Variants in TENM3 observed in about 807,000 individuals in gnomAD.
The protein encoded by TENM3 is teneurin-3.
Under a neutral mutation model 255.1 loss-of-function variants are expected in TENM3, and 63 were observed. The observed-to-expected ratio is 0.25, with a 90% CI of 0.20 to 0.30. The LOEUF is 0.30. TENM3 is among the 10% of genes least tolerant of loss of function. The pLI is 1.00. For missense variants in TENM3, 2,929 were observed against 3,461.1 expected (o/e 0.85, Z 3.86); for synonymous variants, 1,306 against 1,322.3 (o/e 0.99, Z 0.27).
intron 24 of TENM3, among the ~76,000 whole-genome samples, chr4:182,778,760 T>C (rs1764900024): frequency 6.6e-6 from 1 of 152,140 alleles, no homozygotes; most frequent in Non-Finnish European, 1.5e-5. Flanking sequence ...GGAGATTTTT[T>C]TCCATGCTTA....
At chr4:182,240,330 A>G (rs970604498), upstream of TENM3, among the ~76,000 whole-genome samples, 6 of 152,248 alleles carry the variant, frequency 3.9e-5, no homozygotes, top group South Asian at 2.1e-4. Flanking sequence ...CAAGTAGGAG[A>G]GAGACACGTT....
chr4:181,815,570 G>GA, the TENM3 span, among the ~76,000 whole-genome samples: 1 of 151,002 alleles, frequency 6.6e-6, no homozygotes, highest in African/African-American at 2.4e-5. Flanking sequence ...GAAGATATTA[G>GA]AAAAATATAG....
At chr4:181,528,993 A>G in the TENM3 span, among the ~76,000 whole-genome samples, 1 of 152,240 alleles carries the variant, frequency 6.6e-6, no homozygotes, top group Non-Finnish European at 1.5e-5. Flanking sequence ...AAATAAGATT[A>G]GTATACTTTA....
intron 1 of TENM3, among the ~76,000 whole-genome samples, chr4:182,231,264 C>T (rs762679745): frequency 5.3e-5 from 8 of 152,098 alleles, no homozygotes; most frequent in Non-Finnish European, 7.3e-5. Context: ...GTGCCTGACT[C>T]ATTCTGACCA....
chr4:182,481,284 C>T (rs976207331), intron 3 of TENM3, among the ~76,000 whole-genome samples: 5 of 152,098 alleles, frequency 3.3e-5, no homozygotes, highest in African/African-American at 1.2e-4. Context: ...AGTTAAATCG[C>T]TTTTCTTTAT....
chr4:181,485,999 C>A, the TENM3 span, among the ~76,000 whole-genome samples: 5 of 146,588 alleles, frequency 3.4e-5, no homozygotes, highest in East Asian at 1.0e-3. Context: ...CCTTAAGATG[C>A]CATTCAAAAA....
intron 3 of TENM3, among the ~76,000 whole-genome samples, chr4:182,538,938 C>A (rs190246737): frequency 8.6e-5 from 13 of 151,928 alleles, no homozygotes; most frequent in Admixed American, 8.5e-4. Flanking sequence ...AGACATTTTG[C>A]AGCATTCAAG....
chr4:181,702,144 G>A, the TENM3 span, among the ~76,000 whole-genome samples: 1 of 152,222 alleles, frequency 6.6e-6, no homozygotes, highest in Non-Finnish European at 1.5e-5. Context: ...GCAAATAGAA[G>A]TGAGTTTCAG....
the TENM3 span, among the ~76,000 whole-genome samples, chr4:181,757,485 G>T: frequency 6.6e-6 from 1 of 152,106 alleles, no homozygotes; most frequent in Non-Finnish European, 1.5e-5. Flanking sequence ...TACCTCTGAC[G>T]AGATCAGACT....
At chr4:182,263,074 G>T (rs776377465) in intron 1 of TENM3, among the ~76,000 whole-genome samples, 13 of 151,976 alleles carry the variant, frequency 8.6e-5, no homozygotes, top group Non-Finnish European at 1.6e-4. Flanking sequence ...GGTCTGGATG[G>T]GGACCCTTTC....
intron 1 of TENM3, among the ~76,000 whole-genome samples, chr4:182,263,041 G>A (rs1484976156): frequency 6.6e-6 from 1 of 151,944 alleles, no homozygotes; most frequent in Non-Finnish European, 1.5e-5. Flanking sequence ...TTTCTTGCGC[G>A]AGATCCAGGA....
At chr4:182,397,705 A>C (rs1008400636) in intron 3 of TENM3, among the ~76,000 whole-genome samples, 9 of 152,162 alleles carry the variant, frequency 5.9e-5, no homozygotes, top group African/African-American at 2.2e-4. Context: ...AGTGGTTCTC[A>C]ACCTTCGGTG....
chr4:181,869,409 A>C, the TENM3 span, among the ~76,000 whole-genome samples: 1 of 152,174 alleles, frequency 6.6e-6, no homozygotes, highest in East Asian at 1.9e-4. Context: ...TTTTGTTTAA[A>C]TCTATCTAGG....
At chr4:181,682,615 T>C in the TENM3 span, among the ~76,000 whole-genome samples, 1 of 152,176 alleles carries the variant, frequency 6.6e-6, no homozygotes, top group African/African-American at 2.4e-5. Context: ...CACATATGCA[T>C]TCATCTATTG....
At chr4:181,906,812 G>A in the TENM3 span, among the ~76,000 whole-genome samples, 1 of 152,176 alleles carries the variant, frequency 6.6e-6, no homozygotes, top group Non-Finnish European at 1.5e-5. Context: ...CTCCCGAGTA[G>A]CTGGGACTAC....
chr4:182,064,375 C>G, the TENM3 span, among the ~76,000 whole-genome samples: 1 of 151,820 alleles, frequency 6.6e-6, no homozygotes, highest in Non-Finnish European at 1.5e-5. Context: ...TCAGGAGATC[C>G]AGATCATCCT....
chr4:182,525,204 C>T lies in TENM3; in HGVS notation c.512-75720C>T, dbSNP rs1739031730. Among the ~76,000 whole-genome samples, 2 of 152,172 alleles carry T rather than the reference C, an allele frequency of 1.3e-5. 1 individual carries two copies. The highest frequency in any genetic ancestry group is 4.8e-5 in the African/African-American group (2 of 41,442). ...TTGAGTAAGGAACGAATTTAGTAGT[C>T]AGGAAATTTATGAAAGAATTGCCCA... On this transcript the variant is annotated intron_variant, in intron 3 of 27. Coordinates refer to ENST00000511685, the MANE Select transcript of TENM3 (RefSeq NM_001080477.4).
chr4:181,727,905 C>A, the TENM3 span, among the ~76,000 whole-genome samples: 1 of 152,214 alleles, frequency 6.6e-6, no homozygotes, highest in Admixed American at 6.5e-5. Context: ...CGCAAGTCTA[C>A]TATGCCTTAA....
chr4:181,839,501 C>T, the TENM3 span, among the ~76,000 whole-genome samples: 2 of 146,086 alleles, frequency 1.4e-5, no homozygotes, highest in Non-Finnish European at 3.0e-5. Context: ...ATATATAATA[C>T]ATATGATATA....
Sources: allele counts gnomAD v4.1 joint callset (sites outside exome capture counted in the v4.1 genomes callset), GRCh38; gene constraint gnomAD v4.1.1; transcripts MANE v1.5; gene names NCBI Gene and HGNC (gene_info 2026-07-23, HGNC 2026-07-21).